The following GRID2 variants were observed in gnomAD, a reference collection of about 807,000 sequenced individuals.
The protein encoded by GRID2 is glutamate receptor ionotropic, delta-2.
Under a neutral mutation model 114.8 loss-of-function variants are expected in GRID2, and 33 were observed. The observed-to-expected ratio is 0.29, with a 90% CI of 0.22 to 0.38. GRID2 has a LOEUF of 0.38. GRID2 is among the 10% of genes least tolerant of loss of function. The pLI is 1.00. For missense variants in GRID2, 1,184 were observed against 1,257.7 expected, an observed-to-expected ratio of 0.94 and a Z score of 0.89; for synonymous variants, 505 against 449.9, an observed-to-expected ratio of 1.12 and a Z score of -1.55.
intron 2 of GRID2, among the ~76,000 whole-genome samples, chr4:92,676,471 C>G (rs764259267): frequency 6.6e-6 from 1 of 152,110 alleles, no homozygotes; most frequent in Non-Finnish European, 1.5e-5. Context: ...TGAGCCACCA[C>G]GCCCGGCTGA....
intron 1 of GRID2, among the ~76,000 whole-genome samples, chr4:92,328,747 G>A (rs760086847): frequency 2.0e-5 from 3 of 152,050 alleles, no homozygotes; most frequent in Non-Finnish European, 4.4e-5. Flanking sequence ...TCTGTTGGGT[G>A]TTCGGAATAA....
intron 1 of GRID2, among the ~76,000 whole-genome samples, chr4:92,342,478 C>T (rs896637630): frequency 3.3e-5 from 5 of 152,290 alleles, no homozygotes; most frequent in Admixed American, 3.3e-4. Context: ...TCAGTGATCT[C>T]ATCAATGGCT....
chr4:92,522,844 T>C (rs577102074), intron 1 of GRID2, among the ~76,000 whole-genome samples: 2 of 152,088 alleles, frequency 1.3e-5, no homozygotes, highest in South Asian at 4.1e-4. Context: ...AAGTTGATGA[T>C]GTTTACTAAA....
intron 1 of GRID2, among the ~76,000 whole-genome samples, chr4:92,435,890 C>T (rs1261877733): frequency 6.6e-6 from 1 of 152,190 alleles, no homozygotes; most frequent in African/African-American, 2.4e-5. Context: ...AGTAGCTTGA[C>T]AGACTACGTT....
chr4:92,544,584 T>C lies in GRID2; in HGVS notation c.89-45547T>C, dbSNP rs1178731395. Among the ~76,000 whole-genome samples, 3 of 152,198 alleles carry C rather than the reference T, an allele frequency of 2.0e-5. No homozygotes were observed. In the East Asian group the frequency reaches 5.8e-4, roughly 29 times the overall value. On this transcript the variant is annotated intron_variant, in intron 1 of 15. Coordinates refer to ENST00000282020, the MANE Select transcript of GRID2 (RefSeq NM_001510.4). ...AGAGTATAGGTGGCTATATTATCTG[T>C]GAACTGCATTTTAACATATTAAAAG...
intron 8 of GRID2, among the ~76,000 whole-genome samples, chr4:93,389,757 G>T (rs1456836862): frequency 6.6e-6 from 1 of 151,616 alleles, no homozygotes; most frequent in Non-Finnish European, 1.5e-5. Context: ...CTATGAGTTT[G>T]CATTCCCTGT....
rs564327749 is a variant in GRID2, at chr4:92,522,676, A to G, written c.89-67455A>G. On this transcript the variant is annotated intron_variant, in intron 1 of 15. Coordinates refer to ENST00000282020, the MANE Select transcript of GRID2 (RefSeq NM_001510.4). ...TAGAGCCTGAAGGATTTTCTCATGG[A>G]TTGGATGTAGGATCAGAGCAAGAGC... Among the ~76,000 whole-genome samples the G allele has an allele frequency of 2.0e-5, 3 of 152,030 alleles. No homozygotes were observed. The East Asian group carries it at 5.9e-4, about 30-fold the overall frequency.
At chr4:92,944,436 G>C (rs180907999) in intron 2 of GRID2, among the ~76,000 whole-genome samples, 1 of 152,188 alleles carries the variant, frequency 6.6e-6, no homozygotes. Context: ...CACAGTATTA[G>C]GGTGGGAGTG....
At chr4:92,908,461 A>G (rs1748119178) in intron 2 of GRID2, among the ~76,000 whole-genome samples, 2 of 150,936 alleles carry the variant, frequency 1.3e-5, no homozygotes, top group Admixed American at 6.6e-5. Context: ...AGCGTTAAAA[A>G]TGTGACCATT....
intron 14 of GRID2, among the ~76,000 whole-genome samples, chr4:93,707,072 T>C (rs531416705): frequency 6.6e-6 from 1 of 152,236 alleles, no homozygotes; most frequent in South Asian, 2.1e-4. Context: ...TCATGATGAA[T>C]CATCTTTTTA....
intron 14 of GRID2, among the ~76,000 whole-genome samples, chr4:93,734,782 A>C (rs935071877): frequency 1.3e-5 from 2 of 152,008 alleles, no homozygotes; most frequent in Non-Finnish European, 2.9e-5. Context: ...TTTTAAGGCA[A>C]ATTTTAGAGA....
chr4:92,434,052 G>A (rs747518151), intron 1 of GRID2, among the ~76,000 whole-genome samples: 2 of 152,116 alleles, frequency 1.3e-5, no homozygotes, highest in African/African-American at 2.4e-5. Context: ...CACGATGTCC[G>A]TAAATTTAAA....
In GRID2 at chr4:93,788,444, A is replaced by G. The variant is rs575155348; in HGVS notation, c.222-18271A>G. 2.4e-4 allele frequency among the ~76,000 whole-genome samples: 37 copies of G among 152,334 alleles called. No homozygotes were observed. In the South Asian group the frequency reaches 5.2e-3, roughly 21 times the overall value. On this transcript the variant is annotated intron_variant, in intron 1 of 1. Coordinates refer to the GRID2 transcript ENST00000637838. Reference sequence around the variant, plus strand: ...ACATACAAAAAAGATAAGTATGAATATCTTAATTAGCTTAATCTAATAATT... The same window carrying G: ...ACATACAAAAAAGATAAGTATGAATGTCTTAATTAGCTTAATCTAATAATT...
At position 93,085,190 on chromosome 4, in the gene GRID2, G is replaced by T. The variant is rs748007167; in HGVS notation, c.440G>T (p.Arg147Leu). ...AATGATGACTACACTCTCTCAGTTC[G>T]CCCACCTGTCTACTTGCATGATGTT... The part of the protein sequence containing the change: ...NRNDDYTLSV[R>L]PPVYLHDVIL... Residue 147 changes from arginine (R) to leucine (L), a missense_variant, in exon 3 of 16, where the codon CGC becomes CTC. Coordinates refer to ENST00000282020, the MANE Select transcript of GRID2 (RefSeq NM_001510.4). The T allele has an allele frequency of 1.9e-5, 30 of 1,613,508 alleles. No individual in the cohort carries two copies. Among genetic ancestry groups the T allele is most frequent in the Non-Finnish European group, 2.5e-5 (29 of 1,179,734 alleles).
At position 92,900,096 on chromosome 4, in the gene GRID2, G is replaced by A. The variant is rs147676937; in HGVS notation, c.245-184899G>A. ...GGAAAGGTGAGGTTAGAGAAAGATG[G>A]GTAGGAATACAATATGAAAGGTCAT... On this transcript the variant is annotated intron_variant, in intron 2 of 15. Coordinates refer to ENST00000282020, the MANE Select transcript of GRID2 (RefSeq NM_001510.4). Among the ~76,000 whole-genome samples the A allele has an allele frequency of 6.8e-3, 1,039 of 152,106 alleles. 7 individuals are homozygous for A. The highest frequency in any genetic ancestry group is 0.011 in the South Asian group (54 of 4,808).
intron 13 of GRID2, among the ~76,000 whole-genome samples, chr4:93,623,509 C>T (rs1742404996): frequency 6.6e-6 from 1 of 152,104 alleles, no homozygotes; most frequent in South Asian, 2.1e-4. Flanking sequence ...GATTATAAAC[C>T]ATTCTACTGT....
intron 1 of GRID2, among the ~76,000 whole-genome samples, chr4:92,533,343 A>C (rs1725445959): frequency 6.6e-6 from 1 of 152,028 alleles, no homozygotes; most frequent in South Asian, 2.1e-4. Flanking sequence ...CATCTTTCTT[A>C]GCTTTTGTCC....
chr4:92,567,985 A>G (rs746300014), intron 1 of GRID2, among the ~76,000 whole-genome samples: 10 of 152,024 alleles, frequency 6.6e-5, no homozygotes, highest in Non-Finnish European at 1.5e-4. Context: ...AGATGGCCAT[A>G]TAAACTATGA....
intron 1 of GRID2, among the ~76,000 whole-genome samples, chr4:92,441,544 T>G (rs375431622): frequency 7.9e-5 from 12 of 152,258 alleles, no homozygotes; most frequent in East Asian, 5.8e-4. Flanking sequence ...AAAACAATTT[T>G]GTTGATAAGG....
Sources: allele counts gnomAD v4.1 joint callset (sites outside exome capture counted in the v4.1 genomes callset), GRCh38; gene constraint gnomAD v4.1.1; transcripts MANE v1.5; gene names NCBI Gene and HGNC (gene_info 2026-07-23, HGNC 2026-07-21).